DOCK1: variants seen among roughly 807,000 people sequenced by gnomAD.
The protein encoded by DOCK1 is dedicator of cytokinesis protein 1.
Under a neutral mutation model 262.7 loss-of-function variants are expected in DOCK1, and 138 were observed. The observed-to-expected ratio is 0.53, with a 90% CI of 0.46 to 0.61. The LOEUF is 0.61. Among genes scored for constraint, DOCK1 ranks in the 20% least tolerant of loss-of-function variants. The pLI, the probability that DOCK1 is intolerant of heterozygous loss-of-function variation, is 0.00. For synonymous variants in DOCK1, 866 were observed against 867.4 expected (o/e 1.00, Z 0.03); for missense variants, 1,908 against 2,370.7 (o/e 0.80, Z 4.05).
chr10:126,977,938 G>A lies in DOCK1; in HGVS notation c.131-10G>A, dbSNP rs764793093. On this transcript the variant is annotated splice_polypyrimidine_tract_variant and intron_variant, in intron 2 of 51. Transcript: ENST00000623213. ...TTTGTACTAACTGTTTCAACTTTGT[G>A]TTTGTTTAGGGTGGTACCGAGGTTA... 1.2e-6 allele frequency: 2 copies of A among 1,613,796 alleles called. No homozygotes were observed. Among genetic ancestry groups the A allele is most frequent in the African/African-American group, 1.3e-5 (1 of 74,920 alleles).
At position 127,419,689 on chromosome 10, in the gene DOCK1, G is replaced by A. The variant is rs778702517; in HGVS notation, c.4716G>A (p.Leu1572=). ...AGGCCTTCTTTACAGACCGGTACCT[G>A]CAGGAGCACCCTGAGGCCCATGAAA... The part of the protein sequence containing the change: ...YEKAFFTDRY[L]QEHPEAHEKI... Residue 1572 remains leucine, a synonymous_variant, in exon 46 of 52, where the codon CTG becomes CTA. Transcript: ENST00000623213. The A allele has an allele frequency of 5.0e-6, 8 of 1,605,890 alleles. No individual in the cohort carries two copies. The highest frequency in any genetic ancestry group is 6.8e-6 in the Non-Finnish European group (8 of 1,176,038).
intron 29 of DOCK1, among the ~76,000 whole-genome samples, chr10:127,297,432 C>T (rs1196279264): frequency 1.3e-5 from 2 of 151,894 alleles, no homozygotes; most frequent in Non-Finnish European, 2.9e-5. Flanking sequence ...AGTGGGGACG[C>T]ATCGTCATGG....
chr10:126,985,645 C>T (rs1321612355), intron 4 of DOCK1, among the ~76,000 whole-genome samples: 1 of 152,144 alleles, frequency 6.6e-6, no homozygotes, highest in African/African-American at 2.4e-5. Flanking sequence ...ATGAAAACAG[C>T]CCAGTCGTTG....
intron 27 of DOCK1, among the ~76,000 whole-genome samples, chr10:127,196,712 G>C (rs1589895476): frequency 1.1e-5 from 1 of 94,984 alleles, no homozygotes; most frequent in South Asian, 3.9e-4. Context: ...GCCAGAGCTG[G>C]AGGAGGAGGA....
At chr10:127,286,503 CTATTA>C (rs1281213947) in intron 29 of DOCK1, among the ~76,000 whole-genome samples, 5 of 152,040 alleles carry the variant, frequency 3.3e-5, no homozygotes, top group Admixed American at 2.0e-4. Context: ...TATACTATTA[CTATTA>C]TATTATGTAG....
chr10:127,430,560 A>G (rs932398096), intron 47 of DOCK1, among the ~76,000 whole-genome samples: 15 of 151,782 alleles, frequency 9.9e-5, no homozygotes, highest in Admixed American at 3.3e-4. Context: ...TTCTAACATC[A>G]CACTCGCACC....
At chr10:127,160,634 T>A (rs2053518941) in intron 27 of DOCK1, among the ~76,000 whole-genome samples, 1 of 152,244 alleles carries the variant, frequency 6.6e-6, no homozygotes, top group South Asian at 2.1e-4. Flanking sequence ...TTCAAAATGT[T>A]CATTACATAG....
chr10:127,229,539 T>C (rs954966403), intron 27 of DOCK1, among the ~76,000 whole-genome samples: 4 of 152,176 alleles, frequency 2.6e-5, no homozygotes, highest in African/African-American at 2.4e-5. Context: ...TCCAGGTCCA[T>C]CTATGTTGTT....
At chr10:127,197,440 C>T (rs1564895683) in intron 27 of DOCK1, among the ~76,000 whole-genome samples, 2 of 152,200 alleles carry the variant, frequency 1.3e-5, no homozygotes, top group Non-Finnish European at 2.9e-5. Flanking sequence ...AGGGGCCCCT[C>T]TGATGCCTGT....
intron 25 of DOCK1, among the ~76,000 whole-genome samples, chr10:127,114,806 G>T (rs2049079330): frequency 1.4e-5 from 2 of 147,904 alleles, no homozygotes; most frequent in South Asian, 4.2e-4. Flanking sequence ...TGTCAGGCTG[G>T]AGTGCAGTGG....
intron 23 of DOCK1, among the ~76,000 whole-genome samples, chr10:127,062,759 G>A (rs1257035129): frequency 1.3e-5 from 2 of 152,246 alleles, no homozygotes; most frequent in Admixed American, 6.5e-5. Context: ...GGGAATTGAT[G>A]AGAATCATGT....
chr10:127,388,938 T>C (rs2066300185), intron 38 of DOCK1, among the ~76,000 whole-genome samples: 1 of 152,188 alleles, frequency 6.6e-6, no homozygotes, highest in South Asian at 2.1e-4. Flanking sequence ...CCCCTAAGTA[T>C]GCATGTATTC....
intron 8 of DOCK1, chr10:126,998,707 C>T (rs2040383461): frequency 6.3e-6 from 1 of 159,794 alleles, no homozygotes; most frequent in Admixed American, 5.9e-5. Flanking sequence ...TGGTGCCTGC[C>T]ACATACAGAC....
At chr10:126,988,544 G>C (rs1396185120) in intron 5 of DOCK1, 3 of 152,178 alleles carry the variant, frequency 2.0e-5, no homozygotes, top group African/African-American at 7.2e-5. Context: ...GTGTAAATCT[G>C]AGCAATTCTG....
At chr10:127,414,489 T>C (rs534210610) in intron 43 of DOCK1, among the ~76,000 whole-genome samples, 2 of 152,310 alleles carry the variant, frequency 1.3e-5, no homozygotes, top group East Asian at 3.9e-4. Flanking sequence ...AAAGAACACA[T>C]TGTCAAATGA....
intron 19 of DOCK1, among the ~76,000 whole-genome samples, 157 bp from the exon 20 acceptor site, chr10:127,042,468 T>A (rs1322791141): frequency 6.6e-6 from 1 of 152,126 alleles, no homozygotes. Context: ...AATTTTTGTC[T>A]TGTGTATCTA....
chr10:127,432,800 T>C (rs959658842), intron 47 of DOCK1, among the ~76,000 whole-genome samples: 1 of 152,214 alleles, frequency 6.6e-6, no homozygotes, highest in Non-Finnish European at 1.5e-5. Flanking sequence ...GGAAACGTAC[T>C]CTTCATTAAG....
At chr10:127,429,173 C>T (rs975476785) in intron 47 of DOCK1, among the ~76,000 whole-genome samples, 1 of 152,058 alleles carries the variant, frequency 6.6e-6, no homozygotes, top group African/African-American at 2.4e-5. Flanking sequence ...CATCAACCTC[C>T]CCACCCTTCT....
chr10:126,964,238 T>A (rs1294767758), intron 1 of DOCK1, among the ~76,000 whole-genome samples: 2 of 152,204 alleles, frequency 1.3e-5, no homozygotes, highest in Non-Finnish European at 2.9e-5. Context: ...AATGGCTCAG[T>A]GAAAGGTTGT....
Sources: gnomAD v4.1 joint callset for allele counts (sites outside exome capture counted in the v4.1 genomes callset) on GRCh38, gnomAD v4.1.1 for gene constraint, MANE v1.5 for transcripts, NCBI Gene and HGNC (gene_info 2026-07-23, HGNC 2026-07-21) for gene names.